The following KLHL32 variants were observed in gnomAD, a reference collection of about 807,000 sequenced individuals.
The protein encoded by KLHL32 is kelch like family member 32, also known as kelch-like protein 32.
A neutral mutation model predicts 64.8 loss-of-function variants in KLHL32; 35 were observed. The observed-to-expected ratio is 0.54, with a 90% CI of 0.41 to 0.72. The LOEUF (loss-of-function observed/expected upper bound fraction) is 0.72, where lower values mean the gene tolerates loss of function less well. Among genes scored for constraint, KLHL32 ranks in the 30% least tolerant of loss-of-function variants. KLHL32 has a pLI of 0.00. For missense variants in KLHL32, 589 were observed against 768.5 expected (o/e 0.77, Z 2.76); for synonymous variants, 259 against 281.0 (o/e 0.92, Z 0.78).
At chr6:97,100,965 G>GTTTTTTTTTT (rs1562337104) in intron 6 of KLHL32, among the ~76,000 whole-genome samples, 5 of 43,250 alleles carry the variant, frequency 1.2e-4, no homozygotes, top group African/African-American at 5.5e-4. Context: ...CTGCAGCCAA[G>GTTTTTTTTTT]CTTTTTTTTT....
chr6:97,135,273 C>T (rs899504677), intron 10 of KLHL32, among the ~76,000 whole-genome samples: 3 of 150,966 alleles, frequency 2.0e-5, no homozygotes, highest in Non-Finnish European at 4.4e-5. Context: ...GCACACTGGT[C>T]CTACAAAGCA....
rs912372728 is a variant in KLHL32, at chr6:96,957,362, C to T, written c.-65-9634C>T. On this transcript the variant is annotated intron_variant, in intron 1 of 10. Transcript: ENST00000369261. ...CTATTGGATTAAGAACTTTTTATTACAGGACTTTCTAATTAAAATAATTAC... is the reference window on the plus strand; with the variant it reads ...CTATTGGATTAAGAACTTTTTATTATAGGACTTTCTAATTAAAATAATTAC... Among the ~76,000 whole-genome samples, 3 of 152,072 alleles carry T rather than the reference C, an allele frequency of 2.0e-5. No individual in the cohort carries two copies. The South Asian group carries it at 6.2e-4, about 31-fold the overall frequency.
At chr6:96,986,189 T>A (rs2128056922) in intron 3 of KLHL32, among the ~76,000 whole-genome samples, 1 of 152,300 alleles carries the variant, frequency 6.6e-6, no homozygotes, top group South Asian at 2.1e-4. Flanking sequence ...GAACAGCAGA[T>A]ATTGGTGAAC....
chr6:97,002,963 A>G (rs1211034298), intron 3 of KLHL32, among the ~76,000 whole-genome samples: 2 of 152,136 alleles, frequency 1.3e-5, no homozygotes, highest in African/African-American at 2.4e-5. Flanking sequence ...CTGAACATGC[A>G]TGTGTCTTTA....
At chr6:97,099,876 A>T (rs914854799) in intron 6 of KLHL32, among the ~76,000 whole-genome samples, 1 of 103,472 alleles carries the variant, frequency 9.7e-6, no homozygotes, top group Admixed American at 1.0e-4. Flanking sequence ...TATTTGGGTT[A>T]AAAAAAAAAA....
At chr6:97,069,806 A>T (rs1410366407) in intron 5 of KLHL32, among the ~76,000 whole-genome samples, 1 of 152,054 alleles carries the variant, frequency 6.6e-6, no homozygotes, top group Non-Finnish European at 1.5e-5. Flanking sequence ...TTTTTTTGTT[A>T]AAAATACTTT....
intron 1 of KLHL32, among the ~76,000 whole-genome samples, chr6:96,961,743 T>C (rs1012479757): frequency 2.0e-5 from 3 of 152,144 alleles, no homozygotes; most frequent in Non-Finnish European, 4.4e-5. Context: ...ACAAGGGTAA[T>C]TGAGCTGTAT....
At chr6:96,974,464 G>A (rs1007534090) in intron 2 of KLHL32, among the ~76,000 whole-genome samples, 3 of 152,054 alleles carry the variant, frequency 2.0e-5, no homozygotes, top group African/African-American at 2.4e-5. Flanking sequence ...TTTAAAGTCT[G>A]CCTATAGCTT....
intron 6 of KLHL32, among the ~76,000 whole-genome samples, chr6:97,103,458 C>T (rs576715942): frequency 2.6e-4 from 40 of 152,222 alleles, no homozygotes; most frequent in African/African-American, 9.4e-4. Flanking sequence ...TGTGATCTGC[C>T]CGCCTTGGCC....
At chr6:96,908,464 T>C in the KLHL32 span, among the ~76,000 whole-genome samples, 1 of 152,310 alleles carries the variant, frequency 6.6e-6, no homozygotes, top group East Asian at 1.9e-4. Context: ...TTCTGCCACA[T>C]GCACACCCCT....
chr6:97,127,576 A>G, intron 8 of KLHL32, 114 bp downstream of exon 8: 1 of 868,984 alleles, frequency 1.2e-6, no homozygotes, highest in East Asian at 2.4e-5. Context: ...TCTTTAGCTT[A>G]TATAGAGAAA....
At chr6:97,081,706 A>G (rs1472205463) in intron 5 of KLHL32, among the ~76,000 whole-genome samples, 1 of 152,208 alleles carries the variant, frequency 6.6e-6, no homozygotes, top group Non-Finnish European at 1.5e-5. Flanking sequence ...ATAGTCCTAT[A>G]TTCTACTCTT....
At chr6:96,998,279 TGGGCACA>T (rs1778632223) in intron 3 of KLHL32, among the ~76,000 whole-genome samples, 1 of 152,226 alleles carries the variant, frequency 6.6e-6, no homozygotes, top group African/African-American at 2.4e-5. Context: ...AGCTTTCTTC[TGGGCACA>T]TACTAAGCAG....
rs139045725 is a variant in KLHL32, at chr6:96,988,996, C to T, written c.204+12819C>T. ...GGAGGGATAGCATTAGGAGATATACCTAATGTTAAATGAGAAGTTAATGGG... is the reference window on the plus strand; with the variant it reads ...GGAGGGATAGCATTAGGAGATATACTTAATGTTAAATGAGAAGTTAATGGG... On this transcript the variant is annotated intron_variant, in intron 3 of 10. Transcript: ENST00000369261. Among the ~76,000 whole-genome samples, 93 of 152,144 alleles carry T rather than the reference C, an allele frequency of 6.1e-4. 1 individual carries two copies. Among genetic ancestry groups the T allele is most frequent in the African/African-American group, 2.1e-3 (86 of 41,510 alleles).
At chr6:97,046,014 T>C (rs2128131786) in intron 4 of KLHL32, among the ~76,000 whole-genome samples, 1 of 152,242 alleles carries the variant, frequency 6.6e-6, no homozygotes, top group South Asian at 2.1e-4. Context: ...TAGGGCCAGA[T>C]CTGGGGTTGC....
chr6:96,970,796 T>C (rs993418651), intron 2 of KLHL32, among the ~76,000 whole-genome samples: 2 of 152,254 alleles, frequency 1.3e-5, no homozygotes, highest in African/African-American at 4.8e-5. Context: ...TGCTATTAGT[T>C]GATCAAGTTC....
chr6:97,078,685 T>C (rs187419490), intron 5 of KLHL32, among the ~76,000 whole-genome samples: 24 of 152,320 alleles, frequency 1.6e-4, no homozygotes, highest in African/African-American at 5.5e-4. Context: ...CAGAACTAGA[T>C]GAGACAGCAA....
chr6:97,085,925 T>C (rs1043011427), intron 6 of KLHL32, among the ~76,000 whole-genome samples: 1 of 152,236 alleles, frequency 6.6e-6, no homozygotes. Context: ...TGTCGCTCCC[T>C]TGTCTAGAGG....
intron 1 of KLHL32, among the ~76,000 whole-genome samples, chr6:96,956,796 C>T (rs534080990): frequency 1.2e-4 from 18 of 152,288 alleles, no homozygotes; most frequent in Non-Finnish European, 1.6e-4. Context: ...TACATACATA[C>T]GCCTAGCCCA....
Sources: allele counts gnomAD v4.1 joint callset (sites outside exome capture counted in the v4.1 genomes callset), GRCh38; gene constraint gnomAD v4.1.1; transcripts MANE v1.5; gene names NCBI Gene and HGNC (gene_info 2026-07-23, HGNC 2026-07-21).